SLC39A10: variants seen among roughly 807,000 people sequenced by gnomAD.
SLC39A10 encodes the protein solute carrier family 39 member 10.
In SLC39A10, 13 loss-of-function variants were observed where a neutral mutation model predicts 65.1. The ratio of observed to expected loss-of-function variants is 0.20; its 90% confidence interval spans 0.13 to 0.32. The LOEUF (loss-of-function observed/expected upper bound fraction) is 0.32. Among genes scored for constraint, SLC39A10 ranks in the 10% least tolerant of loss-of-function variants. The pLI is 1.00. For synonymous variants in SLC39A10, 321 were observed against 342.2 expected, an observed-to-expected ratio of 0.94 and a Z score of 0.68; for missense variants, 831 against 1,018.4, an observed-to-expected ratio of 0.82 and a Z score of 2.50.
chr2:195,620,149 C>G (rs2105685984), intron 2 of SLC39A10, among the ~76,000 whole-genome samples: 2 of 152,248 alleles, frequency 1.3e-5, no homozygotes, highest in South Asian at 4.1e-4. Flanking sequence ...GTCTCAAACT[C>G]CTGACCTCAA....
Position 195,657,253 on chromosome 2 carries a change from A to C in SLC39A10, c.-40A>C, listed in dbSNP as rs1168226069. 3 of 322,224 alleles carry C rather than the reference A, an allele frequency of 9.3e-6. No individual in the cohort carries two copies. Among genetic ancestry groups the C allele is most frequent in the Non-Finnish European group, 1.3e-5 (3 of 223,784 alleles). 20.0% of individuals were successfully genotyped at this position (322,224 alleles called of 1,614,324 possible). A position where few individuals can be genotyped will look rare whatever the true frequency, so the allele number is the denominator to read the frequency against. On this transcript the variant is annotated 5_prime_UTR_variant, in exon 1 of 10. Transcript: ENST00000359634. ...AGCCGGGGTTTGGTACCGAGCGGAG[A>C]GGAGATGCACACGGCACTCGAGTGT...
rs542384403 is a variant in SLC39A10 at position 195,719,594 on chromosome 2, C to T, written c.2146+1262C>T. The stretch of plus-strand genomic sequence containing the variant: ...TGAAAGTTCTTGTTGCCACAACCCT[C>T]CCAGCACTTGGCATTAACTTTCTTT... On this transcript the variant is annotated intron_variant, in intron 8 of 9. Transcript: ENST00000359634. Among the ~76,000 whole-genome samples, 3 of 152,146 alleles carry T rather than the reference C, an allele frequency of 2.0e-5. No homozygotes were observed. The East Asian group carries it at 5.8e-4, about 29-fold the overall frequency.
intron 1 of SLC39A10, among the ~76,000 whole-genome samples, chr2:195,676,138 CA>C (rs1356453866): frequency 1.3e-5 from 2 of 151,920 alleles, no homozygotes; most frequent in Non-Finnish European, 2.9e-5. Flanking sequence ...TTTATATATA[CA>C]CATTGCAAAT....
At chr2:195,676,099 C>T (rs985040015) in intron 1 of SLC39A10, among the ~76,000 whole-genome samples, 1 of 151,928 alleles carries the variant, frequency 6.6e-6, no homozygotes, top group African/African-American at 2.4e-5. Flanking sequence ...GCTTTATATA[C>T]TCTGGATACT....
intron 9 of SLC39A10, 109 bp from the exon 10 acceptor site, chr2:195,734,774 T>G: frequency 9.7e-7 from 1 of 1,027,064 alleles, no homozygotes; most frequent in Non-Finnish European, 1.4e-6. Context: ...AATTATTTTG[T>G]CTGTAGTTAC....
At chr2:195,654,000 A>G (rs4850371), upstream of SLC39A10, among the ~76,000 whole-genome samples, 46,979 of 152,012 alleles carry the variant, frequency 0.31, 7,697 homozygotes, top group East Asian at 0.59. Flanking sequence ...GTGCAATGGC[A>G]TGATCTCGGC....
At chr2:195,702,216 G>C (rs1048678655) in intron 3 of SLC39A10, among the ~76,000 whole-genome samples, 5 of 152,180 alleles carry the variant, frequency 3.3e-5, no homozygotes, top group African/African-American at 1.2e-4. Context: ...ATGGCCACCT[G>C]TCTCTGCCTG....
intron 2 of SLC39A10, among the ~76,000 whole-genome samples, chr2:195,623,932 C>T (rs1688404265): frequency 6.6e-6 from 1 of 151,708 alleles, no homozygotes; most frequent in South Asian, 2.1e-4. Context: ...CACACACACA[C>T]ACACACACCG....
chr2:195,683,825 C>G lies in SLC39A10; in HGVS notation c.1135C>G (p.His379Asp), dbSNP rs1276220251. The G allele has an allele frequency of 3.1e-6, 5 of 1,613,266 alleles. No individual in the cohort carries two copies. In the South Asian group the frequency reaches 5.5e-5, roughly 18 times the overall value. ...AATCGACAGCAGACTTTGTATTGAGCATTTTGACAAACTTTTAGTTGAAGA... is the reference window on the plus strand; with the variant it reads ...AATCGACAGCAGACTTTGTATTGAGGATTTTGACAAACTTTTAGTTGAAGA... ...YQIDSRLCIEHFDKLLVEDIN... is the reference protein window; with the variant it reads ...YQIDSRLCIEDFDKLLVEDIN... The change falls in exon 3 of 10, where the codon CAT becomes GAT. Residue 379 changes from histidine (H) to aspartate (D), a missense_variant. Physicochemically the swap from His to Asp is moderately conservative, Grantham distance 81. Transcript: ENST00000359634.
intron 3 of SLC39A10, among the ~76,000 whole-genome samples, chr2:195,701,054 G>T (rs943225237): frequency 1.6e-5 from 2 of 122,586 alleles, no homozygotes; most frequent in African/African-American, 3.2e-5. Flanking sequence ...CTTCTACAGT[G>T]TATATGGATG....
intron 2 of SLC39A10, 137 bp from the exon 3 acceptor site, chr2:195,683,562 T>G (rs987053066): frequency 2.2e-5 from 14 of 645,846 alleles, no homozygotes; most frequent in Non-Finnish European, 1.3e-5. Context: ...TTAAAAAGTT[T>G]TATTTGTAAT....
At chr2:195,623,466 A>G (rs532698628) in intron 2 of SLC39A10, among the ~76,000 whole-genome samples, 88 of 152,280 alleles carry the variant, frequency 5.8e-4, no homozygotes, top group African/African-American at 2.1e-3. Flanking sequence ...GAAGTGCACA[A>G]TTTTTGGGTT....
chr2:195,646,878 C>T (rs7580292), intron 2 of SLC39A10, among the ~76,000 whole-genome samples: 142,439 of 152,180 alleles, frequency 0.94, 66,932 homozygotes, highest in African/African-American at 0.96. Context: ...AGTTTCATCC[C>T]GAAGCCATCC....
chr2:195,632,384 C>T (rs1486112936), intron 2 of SLC39A10, among the ~76,000 whole-genome samples: 1 of 145,580 alleles, frequency 6.9e-6, no homozygotes, highest in African/African-American at 2.5e-5. Context: ...ACTGCAACCT[C>T]CTCGTCCCGG....
chr2:195,720,332 A>G (rs1165738100), intron 8 of SLC39A10, among the ~76,000 whole-genome samples: 2 of 152,204 alleles, frequency 1.3e-5, no homozygotes, highest in African/African-American at 2.4e-5. Flanking sequence ...ATGCAATACT[A>G]CTTTGGTTTT....
At chr2:195,615,836 C>T (rs564987950) in intron 2 of SLC39A10, among the ~76,000 whole-genome samples, 9 of 152,360 alleles carry the variant, frequency 5.9e-5, no homozygotes, top group South Asian at 4.1e-4. Flanking sequence ...AATTCTACTT[C>T]GCTCTAAATC....
At chr2:195,623,404 C>T (rs945630536) in intron 2 of SLC39A10, among the ~76,000 whole-genome samples, 3 of 151,792 alleles carry the variant, frequency 2.0e-5, no homozygotes, top group African/African-American at 7.3e-5. Context: ...ATCCTTACGC[C>T]GTGTTGTATA....
intron 3 of SLC39A10, among the ~76,000 whole-genome samples, chr2:195,684,971 A>G (rs570971458): frequency 2.0e-5 from 3 of 152,206 alleles, no homozygotes; most frequent in South Asian, 2.1e-4. Flanking sequence ...TCCTCACAAC[A>G]CTTTTATGAG....
intron 3 of SLC39A10, among the ~76,000 whole-genome samples, chr2:195,698,478 G>GT (rs1341984875): frequency 1.3e-5 from 2 of 151,916 alleles, no homozygotes; most frequent in Non-Finnish European, 2.9e-5. Context: ...CTTTTATTAT[G>GT]TAAGGTTGTT....
Sources: gnomAD v4.1 joint callset for allele counts (sites outside exome capture counted in the v4.1 genomes callset) on GRCh38, gnomAD v4.1.1 for gene constraint, MANE v1.5 for transcripts, NCBI Gene and HGNC (gene_info 2026-07-23, HGNC 2026-07-21) for gene names.